The following IFT81 variants were observed in gnomAD, a reference collection of about 807,000 sequenced individuals.
IFT81 encodes intraflagellar transport 81, also known as intraflagellar transport protein 81 homolog.
Under a neutral mutation model 102.6 loss-of-function variants are expected in IFT81, and 72 were observed. That is an observed-to-expected ratio of 0.70 (90% CI 0.58 to 0.85). The LOEUF (loss-of-function observed/expected upper bound fraction) is 0.85, where lower values mean the gene tolerates loss of function less well. IFT81 is among the 40% of genes least tolerant of loss of function. The pLI, the probability that IFT81 is intolerant of heterozygous loss-of-function variation, is 0.00. For synonymous variants in IFT81, 237 were observed against 242.7 expected (o/e 0.98, Z 0.22); for missense variants, 723 against 787.3 (o/e 0.92, Z 0.98).
chr12:110,131,846 G>A (rs996097241), intron 4 of IFT81, among the ~76,000 whole-genome samples: 2 of 152,186 alleles, frequency 1.3e-5, no homozygotes, highest in Non-Finnish European at 2.9e-5. Flanking sequence ...AAGGGCCAGA[G>A]AAGGCTTCTC....
intron 8 of IFT81, among the ~76,000 whole-genome samples, chr12:110,139,861 TAAAATATAAA>T (rs1382978278): frequency 1.1e-4 from 13 of 122,104 alleles, no homozygotes; most frequent in African/African-American, 2.7e-4. Context: ...TAAAATAAAA[TAAAATATAAA>T]ATAAAATAAA....
chr12:110,135,869 A>G (rs1037914151), intron 7 of IFT81, among the ~76,000 whole-genome samples: 195 of 147,784 alleles, frequency 1.3e-3, no homozygotes, highest in African/African-American at 4.7e-3. Flanking sequence ...TTTGTCTGAA[A>G]AAAAAAAAAA....
chr12:110,148,365 G>T (rs1220418520), intron 10 of IFT81, among the ~76,000 whole-genome samples: 2 of 151,648 alleles, frequency 1.3e-5, no homozygotes, highest in Admixed American at 1.3e-4. Flanking sequence ...AAGTGATAAT[G>T]CTCGGTTGTC....
At chr12:110,217,978 A>T in intron 18 of IFT81, 66 bp from the exon 19 acceptor site, 1 of 1,124,696 alleles carries the variant, frequency 8.9e-7, no homozygotes, top group Non-Finnish European at 1.3e-6. Context: ...TATTCCTCCG[A>T]CTATAGCAAT....
chr12:110,179,416 A>G (rs1365339425), intron 11 of IFT81, among the ~76,000 whole-genome samples: 1 of 151,734 alleles, frequency 6.6e-6, no homozygotes, highest in Admixed American at 6.6e-5. Context: ...AATAGCTTTT[A>G]TATAAGGATT....
At chr12:110,206,278 A>G (rs572703998) in intron 17 of IFT81, among the ~76,000 whole-genome samples, 2 of 152,182 alleles carry the variant, frequency 1.3e-5, no homozygotes, top group South Asian at 4.1e-4. Flanking sequence ...CTTTTTTTGC[A>G]ATCCCAGCTT....
At chr12:110,207,966 C>G (rs1315698320) in intron 17 of IFT81, among the ~76,000 whole-genome samples, 2 of 151,604 alleles carry the variant, frequency 1.3e-5, no homozygotes, top group East Asian at 1.9e-4. Context: ...TTTTAGCTTA[C>G]AAAAGAAATA....
intron 11 of IFT81, 75 bp from the exon 12 acceptor site, chr12:110,180,347 T>G: frequency 1.2e-6 from 1 of 805,448 alleles, no homozygotes; most frequent in South Asian, 3.1e-5. Flanking sequence ...GTGAATATAT[T>G]GAGTTTATAC....
chr12:110,129,180 T>A (rs767298135), intron 4 of IFT81, 50 bp downstream of exon 4: 1 of 1,339,458 alleles, frequency 7.5e-7, no homozygotes, highest in Admixed American at 2.4e-5. Context: ...TTTCAAGGTG[T>A]ATATATTCAA....
intron 8 of IFT81, among the ~76,000 whole-genome samples, chr12:110,139,336 CAAA>C (rs398044810): frequency 3.8e-5 from 2 of 52,576 alleles, no homozygotes; most frequent in Non-Finnish European, 3.9e-5. Flanking sequence ...GACTCTGTCT[CAAA>C]AAAAAAAAAA....
chr12:110,207,810 C>T (rs1012328968), intron 17 of IFT81, among the ~76,000 whole-genome samples: 7 of 151,994 alleles, frequency 4.6e-5, no homozygotes, highest in Admixed American at 6.6e-5. Flanking sequence ...TGAGCCACCG[C>T]GCCCAGCCCC....
chr12:110,141,905 C>G (rs1440017563), intron 8 of IFT81, among the ~76,000 whole-genome samples: 1 of 151,954 alleles, frequency 6.6e-6, no homozygotes, highest in African/African-American at 2.4e-5. Flanking sequence ...AAAAAACATT[C>G]AAGTCAGAAT....
At chr12:110,127,188 G>A (rs1463354051) in intron 1 of IFT81, among the ~76,000 whole-genome samples, 172 bp from the exon 2 acceptor site, 1 of 152,186 alleles carries the variant, frequency 6.6e-6, no homozygotes, top group Non-Finnish European at 1.5e-5. Flanking sequence ...AGTTTTCATA[G>A]TAAAGCCATT....
intron 5 of IFT81, 74 bp downstream of exon 5, chr12:110,132,710 G>T: frequency 1.3e-6 from 1 of 766,256 alleles, no homozygotes; most frequent in East Asian, 2.8e-5. Context: ...TATTAATTCA[G>T]TATGAGTCTT....
intron 8 of IFT81, among the ~76,000 whole-genome samples, chr12:110,138,122 G>A (rs995817667): frequency 6.6e-6 from 1 of 151,928 alleles, no homozygotes; most frequent in African/African-American, 2.4e-5. Context: ...CTGATAGAGG[G>A]TTAATTCATC....
chr12:110,198,652 CTCTG>C (rs1402243227), intron 14 of IFT81, among the ~76,000 whole-genome samples: 2 of 152,098 alleles, frequency 1.3e-5, no homozygotes, highest in Admixed American at 1.3e-4. Context: ...ATTTTTGTCT[CTCTG>C]TGTTGAATTC....
chr12:110,173,171 G>C (rs1346360082), intron 11 of IFT81, among the ~76,000 whole-genome samples: 7 of 145,532 alleles, frequency 4.8e-5, no homozygotes, highest in Admixed American at 1.4e-4. Context: ...AGGTGGGGGG[G>C]TCAGCCCCCC....
intron 8 of IFT81, among the ~76,000 whole-genome samples, chr12:110,140,265 C>T (rs1894807614): frequency 6.6e-6 from 1 of 152,132 alleles, no homozygotes; most frequent in South Asian, 2.1e-4. Flanking sequence ...ATGCTCTTCC[C>T]CTTTCCTCCC....
chr12:110,149,412 G>T (rs897854673), intron 10 of IFT81, among the ~76,000 whole-genome samples: 1 of 152,160 alleles, frequency 6.6e-6, no homozygotes, highest in African/African-American at 2.4e-5. Flanking sequence ...AAGCCCCAGT[G>T]GGCATGTGTT....
Sources: allele counts gnomAD v4.1 joint callset (sites outside exome capture counted in the v4.1 genomes callset), GRCh38; gene constraint gnomAD v4.1.1; transcripts MANE v1.5; gene names NCBI Gene and HGNC (gene_info 2026-07-23, HGNC 2026-07-21).